The following G3BP1 variants were observed in gnomAD, a reference collection of about 807,000 sequenced individuals.
G3BP1 encodes ras GTPase-activating protein-binding protein 1.
A neutral mutation model predicts 58.6 loss-of-function variants in G3BP1; 35 were observed. The observed-to-expected ratio is 0.60, with a 90% confidence interval of 0.46 to 0.79. G3BP1 has a LOEUF of 0.79. Ranked by LOEUF, G3BP1 falls within the 30% of genes least tolerant of loss-of-function variation. G3BP1 has a pLI of 0.00. For missense variants in G3BP1, 523 were observed against 580.8 expected, an observed-to-expected ratio of 0.90 and a Z score of 1.02; for synonymous variants, 191 against 195.4, an observed-to-expected ratio of 0.98 and a Z score of 0.19.
intron 1 of G3BP1, among the ~76,000 whole-genome samples, chr5:151,773,636 A>G (rs192234307): frequency 6.6e-6 from 1 of 152,338 alleles, no homozygotes; most frequent in East Asian, 1.9e-4. Flanking sequence ...AAAGATTTCT[A>G]TAATCGTGTT....
Position 151,809,903 on chromosome 5 carries a change from C to G in G3BP1, c.*5812C>G, listed in dbSNP as rs1242119575. ...AGGGCTTGTTGTCTAAGGACATTAA[C>G]TTGTGCTCCCCTCAGGGATGGGTTT... On this transcript the variant is annotated 3_prime_UTR_variant, in exon 12 of 12. Transcript: ENST00000356245. The G allele has an allele frequency of 6.6e-6, 1 of 152,218 alleles. No individual in the cohort carries two copies. The highest frequency in any genetic ancestry group is 2.4e-5 in the African/African-American group (1 of 41,464). The allele number at this position is 152,218 out of a possible 1,614,324, so 9.4% of individuals were successfully genotyped here. A position where few individuals can be genotyped will look rare whatever the true frequency, so the allele number is the denominator to read the frequency against.
At chr5:151,779,341 A>G (rs1342832374) in intron 1 of G3BP1, among the ~76,000 whole-genome samples, 2 of 152,150 alleles carry the variant, frequency 1.3e-5, no homozygotes, top group African/African-American at 2.4e-5. Context: ...GGTGTGAGAC[A>G]TGAATTGAGG....
intron 2 of G3BP1, chr5:151,787,506 C>T (rs535902914): frequency 6.6e-6 from 1 of 152,408 alleles, no homozygotes; most frequent in African/African-American, 2.4e-5. Context: ...TCTTAACTTT[C>T]TTACTTGATA....
rs902774439 is a variant in G3BP1 at position 151,797,333 on chromosome 5, G to T, written c.646G>T (p.Glu216Ter). The T allele has an allele frequency of 3.7e-6, 6 of 1,613,994 alleles. No homozygotes were observed. The highest frequency in any genetic ancestry group is 5.1e-6 in the Non-Finnish European group (6 of 1,179,980). ...ATCTGAAATCCAAGAGGAAAAGCCT[G>T]AGCCAGTATTAGAAGAAACTGCCCC... is the stretch of plus-strand genomic sequence containing the variant. Reference protein sequence around the residue: ...PVSEIQEEKPEPVLEETAPED... With the variant: ...PVSEIQEEKP The change falls in exon 7 of 12, where the codon GAG (glutamate) becomes TAG (stop). Residue 216 changes from glutamate to a stop codon, truncating the protein, a stop_gained. Transcript: ENST00000356245. LOFTEE classifies it high-confidence loss of function.
chr5:151,800,448 T>A, intron 10 of G3BP1, 102 bp downstream of exon 10: 2 of 784,752 alleles, frequency 2.5e-6, no homozygotes, highest in Non-Finnish European at 3.9e-6. Context: ...AATTTTCTAG[T>A]AGTCATGGTT....
At chr5:151,790,813 G>A in intron 3 of G3BP1, 76 bp from the exon 4 acceptor site, 1 of 833,842 alleles carries the variant, frequency 1.2e-6, no homozygotes, top group Admixed American at 2.5e-5. Context: ...GTGTTGGAAG[G>A]TTTTTTTTAG....
At chr5:151,774,239 C>G (rs1311318858) in intron 1 of G3BP1, among the ~76,000 whole-genome samples, 1 of 152,110 alleles carries the variant, frequency 6.6e-6, no homozygotes, top group African/African-American at 2.4e-5. Context: ...TTGTTTAACT[C>G]AGTTTGCTGT....
In G3BP1 at chr5:151,805,384, C is replaced by T. The variant is rs1762925272; in HGVS notation, c.*1293C>T. On this transcript the variant is annotated 3_prime_UTR_variant, in exon 12 of 12. Coordinates refer to ENST00000356245, the MANE Select transcript of G3BP1 (RefSeq NM_005754.3). ...GCAATATAGACTAATACTCGTTTCA[C>T]ATATGTGTTATTTGTTGAGTGCTGT... The T allele has an allele frequency of 6.6e-6, 1 of 152,540 alleles. No individual in the cohort carries two copies. Among genetic ancestry groups the T allele is most frequent in the Non-Finnish European group, 1.5e-5 (1 of 68,016 alleles). The allele number at this position is 152,540 out of a possible 1,614,324, so 9.4% of individuals were successfully genotyped here. A position where few individuals can be genotyped will look rare whatever the true frequency, so the allele number is the denominator to read the frequency against.
chr5:151,802,438 G>A (rs1259083023), intron 11 of G3BP1, among the ~76,000 whole-genome samples: 1 of 152,148 alleles, frequency 6.6e-6, no homozygotes, highest in African/African-American at 2.4e-5. Flanking sequence ...ACTGATTGCC[G>A]TGGTGTATGA....
chr5:151,799,405 C>T (rs1762812328), intron 8 of G3BP1, 92 bp downstream of exon 8: 1 of 741,760 alleles, frequency 1.3e-6, no homozygotes, highest in Non-Finnish European at 2.4e-6. Context: ...GAAAACTGGT[C>T]AGGTGCAGTG....
At chr5:151,796,120 C>A (rs1762744255) in intron 6 of G3BP1, among the ~76,000 whole-genome samples, 1 of 152,130 alleles carries the variant, frequency 6.6e-6, no homozygotes, top group Admixed American at 6.5e-5. Context: ...TGTTAATATT[C>A]AGTGCCTGAA....
chr5:151,799,355 C>T, intron 8 of G3BP1, 42 bp downstream of exon 8: 1 of 977,152 alleles, frequency 1.0e-6, no homozygotes, highest in Non-Finnish European at 1.7e-6. Flanking sequence ...AAATTTACTT[C>T]TATTGTGGTA....
At chr5:151,787,543 C>T (rs1379650834) in intron 2 of G3BP1, among the ~76,000 whole-genome samples, 3 of 152,166 alleles carry the variant, frequency 2.0e-5, no homozygotes, top group African/African-American at 7.2e-5. Flanking sequence ...CAGGGTAATA[C>T]TTGTATCCCA....
At chr5:151,789,689 G>A (rs550095619) in intron 2 of G3BP1, among the ~76,000 whole-genome samples, 1 of 152,152 alleles carries the variant, frequency 6.6e-6, no homozygotes, top group South Asian at 2.1e-4. Flanking sequence ...CAGCCTTACC[G>A]CACATTTTCT....
At position 151,806,585 on chromosome 5, in the gene G3BP1, T is replaced by C. The variant is rs1362672047; in HGVS notation, c.*2494T>C. ...TTGTACAATTATGTACATTATTGCA[T>C]GTAGAGTAAACCTGAGAGCTTAGAG... On this transcript the variant is annotated 3_prime_UTR_variant, in exon 12 of 12. Transcript: ENST00000356245. 6.6e-6 allele frequency: 1 copy of C among 152,206 alleles called. No individual in the cohort carries two copies. Among genetic ancestry groups the C allele is most frequent in the Non-Finnish European group, 1.5e-5 (1 of 68,028 alleles). The allele number at this position is 152,206 out of a possible 1,614,324, so 9.4% of individuals were successfully genotyped here.
At chr5:151,784,003 C>T (rs112815935) in intron 1 of G3BP1, among the ~76,000 whole-genome samples, 6 of 152,236 alleles carry the variant, frequency 3.9e-5, no homozygotes, top group African/African-American at 1.2e-4. Flanking sequence ...TTCTGTGATC[C>T]GCTCGCCTCG....
At chr5:151,797,144 G>A in intron 6 of G3BP1, 83 bp from the exon 7 acceptor site, 6 of 1,335,552 alleles carry the variant, frequency 4.5e-6, no homozygotes, top group Non-Finnish European at 6.3e-6. Context: ...TCTGTGTTCT[G>A]GTTTCTGATT....
chr5:151,773,119 G>C (rs1762302799), intron 1 of G3BP1, among the ~76,000 whole-genome samples: 1 of 152,226 alleles, frequency 6.6e-6, no homozygotes, highest in Admixed American at 6.5e-5. Context: ...GGAAATTCCC[G>C]CCAGCGGGAA....
chr5:151,776,522 T>G (rs1762373842), intron 1 of G3BP1, among the ~76,000 whole-genome samples: 1 of 152,210 alleles, frequency 6.6e-6, no homozygotes, highest in Non-Finnish European at 1.5e-5. Flanking sequence ...TTTAGCATTT[T>G]AATGGATCTC....
Sources: gnomAD v4.1 joint callset for allele counts (sites outside exome capture counted in the v4.1 genomes callset) on GRCh38, gnomAD v4.1.1 for gene constraint, MANE v1.5 for transcripts, NCBI Gene and HGNC (gene_info 2026-07-23, HGNC 2026-07-21) for gene names.